Variants in TMEM181 observed in about 807,000 individuals in gnomAD.
TMEM181 encodes the protein transmembrane protein 181.
Under a neutral mutation model 71.9 loss-of-function variants are expected in TMEM181, and 39 were observed. That is an observed-to-expected ratio of 0.54 (90% CI 0.42 to 0.71). The LOEUF is 0.71. Among genes scored for constraint, TMEM181 ranks in the 30% least tolerant of loss-of-function variants. The probability of loss-of-function intolerance (pLI) is 0.00; values close to 1 mark genes in which losing one functional copy is unlikely to be tolerated. For missense variants in TMEM181, 595 were observed against 583.0 expected (o/e 1.02, Z -0.21); for synonymous variants, 245 against 228.8 (o/e 1.07, Z -0.64).
intron 5 of TMEM181, among the ~76,000 whole-genome samples, chr6:158,588,689 C>T (rs1783926503): frequency 6.6e-6 from 1 of 152,208 alleles, no homozygotes; most frequent in African/African-American, 2.4e-5. Context: ...CTCAAGTGAT[C>T]CGCCTGCCTT....
intron 1 of TMEM181, among the ~76,000 whole-genome samples, chr6:158,565,961 A>C (rs748112359): frequency 6.6e-6 from 1 of 152,206 alleles, no homozygotes; most frequent in Non-Finnish European, 1.5e-5. Context: ...ACCTCGAGAC[A>C]GGAGGTTTTC....
At chr6:158,547,265 G>C (rs548948397) in intron 1 of TMEM181, among the ~76,000 whole-genome samples, 4 of 152,154 alleles carry the variant, frequency 2.6e-5, no homozygotes, top group Non-Finnish European at 5.9e-5. Flanking sequence ...CTGGGCAACA[G>C]AGTGAGACCC....
rs148305581 is a variant in TMEM181 at position 158,624,835 on chromosome 6, C to T, written c.955-269C>T. Among the ~76,000 whole-genome samples the T allele has an allele frequency of 1.3e-3, 196 of 152,324 alleles. 2 individuals carry two copies. Among genetic ancestry groups the T allele is most frequent in the African/African-American group, 4.2e-3 (173 of 41,574 alleles). On this transcript the variant is annotated intron_variant, in intron 11 of 16. Transcript: ENST00000684151. ...CACCGCAGTCTGAGCACCCACTGTG[C>T]CTGGACAGGTCCCTGGTGGGAGGGG...
chr6:158,565,357 T>A (rs1782428595), intron 1 of TMEM181, among the ~76,000 whole-genome samples: 1 of 152,130 alleles, frequency 6.6e-6, no homozygotes, highest in South Asian at 2.1e-4. Context: ...CCCGAGGTGC[T>A]CAGTGCATCT....
chr6:158,545,318 C>T (rs532341593), intron 1 of TMEM181, among the ~76,000 whole-genome samples: 8 of 152,388 alleles, frequency 5.2e-5, no homozygotes, highest in East Asian at 1.9e-4. Context: ...GGACCCACAA[C>T]GGCACAGAAT....
chr6:158,558,437 G>A (rs1012185018), upstream of TMEM181, among the ~76,000 whole-genome samples: 18 of 152,032 alleles, frequency 1.2e-4, no homozygotes, highest in African/African-American at 9.7e-5. Flanking sequence ...TTCTAGAATC[G>A]GGCAGCCCTC....
At chr6:158,608,576 C>G in intron 9 of TMEM181, 83 bp from the exon 10 acceptor site, 1 of 1,596,652 alleles carries the variant, frequency 6.3e-7, no homozygotes, top group Non-Finnish European at 8.5e-7. Context: ...GTCTGCAGGC[C>G]CATACTCAAT....
At chr6:158,571,285 G>A (rs1039930251) in intron 1 of TMEM181, among the ~76,000 whole-genome samples, 1 of 148,702 alleles carries the variant, frequency 6.7e-6, no homozygotes, top group African/African-American at 2.5e-5. Flanking sequence ...TTTTAGTAAA[G>A]ACGGGGTTTC....
At chr6:158,560,060 C>T (rs1255070544), upstream of TMEM181, 1 of 985,126 alleles carries the variant, frequency 1.0e-6, no homozygotes, top group Non-Finnish European at 1.2e-6. Context: ...GAGTCGCTTC[C>T]GCGCACGTGA....
intron 3 of TMEM181, among the ~76,000 whole-genome samples, chr6:158,583,465 G>A (rs539555475): frequency 3.9e-4 from 59 of 152,150 alleles, no homozygotes; most frequent in Non-Finnish European, 7.5e-4. Context: ...GAAGTTAGTC[G>A]TTTCTTCTTC....
chr6:158,609,787 C>T (rs781333423), intron 10 of TMEM181: 1 of 244,250 alleles, frequency 4.1e-6, no homozygotes, highest in Non-Finnish European at 8.9e-6. Flanking sequence ...TGGCAGTCTC[C>T]AGGACTGTAT....
At chr6:158,579,741 CA>C (rs1238911195) in intron 2 of TMEM181, among the ~76,000 whole-genome samples, 1 of 151,844 alleles carries the variant, frequency 6.6e-6, no homozygotes, top group Non-Finnish European at 1.5e-5. Flanking sequence ...AAACAAAAAA[CA>C]AAAATAAGGA....
rs1785898632 is a variant in TMEM181, at chr6:158,620,567, T to G, written c.897-2983T>G. On this transcript the variant is annotated intron_variant, in intron 10 of 16. Coordinates refer to ENST00000684151, the MANE Select transcript of TMEM181 (RefSeq NM_001376852.1). The surrounding 1 kb of genome is among the most constrained non-coding windows in gnomAD (Gnocchi z 4.5). ...GGTTAGGGAGCGAAATACCCATCGCTGGTGGTTGGAGGTGGATTCCTGAGA... is the reference window on the plus strand; with the variant it reads ...GGTTAGGGAGCGAAATACCCATCGCGGGTGGTTGGAGGTGGATTCCTGAGA... Among the ~76,000 whole-genome samples, 1 of 152,136 alleles carries G rather than the reference T, an allele frequency of 6.6e-6. No individual in the cohort carries two copies. The highest frequency in any genetic ancestry group is 1.5e-5 in the Non-Finnish European group (1 of 68,012).
intron 6 of TMEM181, 128 bp from the exon 7 acceptor site, chr6:158,605,130 AAGTGTGTGT>A (rs371309178): frequency 0.21 from 44,036 of 209,366 alleles, 2,211 homozygotes; most frequent in African/African-American, 0.37. Context: ...AAAAAAAAAA[AAGTGTGTGT>A]GTGTGTGTGT....
intron 10 of TMEM181, among the ~76,000 whole-genome samples, chr6:158,618,631 C>CG (rs1274909210): frequency 6.6e-6 from 1 of 152,068 alleles, no homozygotes; most frequent in Non-Finnish European, 1.5e-5. Context: ...TGGCTGGTAC[C>CG]GTTGTTCCTT....
At chr6:158,616,791 A>T (rs758240645) in intron 10 of TMEM181, among the ~76,000 whole-genome samples, 6 of 152,160 alleles carry the variant, frequency 3.9e-5, no homozygotes, top group Admixed American at 6.6e-5. Flanking sequence ...TTACATTTAT[A>T]GATTTGTATA....
At chr6:158,543,880 G>A (rs534897445) in intron 1 of TMEM181, among the ~76,000 whole-genome samples, 1 of 152,318 alleles carries the variant, frequency 6.6e-6, no homozygotes, top group African/African-American at 2.4e-5. Context: ...TGTTGATACA[G>A]GGCTATGGAT....
chr6:158,617,769 C>G (rs998717051), intron 10 of TMEM181, among the ~76,000 whole-genome samples: 1 of 152,116 alleles, frequency 6.6e-6, no homozygotes, highest in Non-Finnish European at 1.5e-5. Flanking sequence ...TTGTTCAGTT[C>G]CCATGTAGTT....
intron 1 of TMEM181, among the ~76,000 whole-genome samples, chr6:158,571,110 T>A (rs1387821052): frequency 6.6e-6 from 1 of 151,622 alleles, no homozygotes; most frequent in Admixed American, 6.6e-5. Flanking sequence ...TTAATTAATT[T>A]TTTTGAGATG....
Sources: gnomAD v4.1 joint callset for allele counts (sites outside exome capture counted in the v4.1 genomes callset) on GRCh38, gnomAD v4.1.1 for gene constraint, Gnocchi (gnomAD v3.1) non-coding constraint, MANE v1.5 for transcripts, NCBI Gene and HGNC (gene_info 2026-07-23, HGNC 2026-07-21) for gene names.